The following ZBTB7C variants were observed in gnomAD, a reference collection of about 807,000 sequenced individuals.
ZBTB7C encodes the protein zinc finger and BTB domain-containing protein 7C.
ZBTB7C carries 8 observed loss-of-function variants against 25.7 expected under a neutral mutation model. That is an observed-to-expected ratio of 0.31 (90% CI 0.18 to 0.56). The LOEUF (loss-of-function observed/expected upper bound fraction) is 0.56, where lower values mean the gene tolerates loss of function less well. Among genes scored for constraint, ZBTB7C ranks in the 20% least tolerant of loss-of-function variants. The pLI, the probability that ZBTB7C is intolerant of heterozygous loss-of-function variation, is 0.91. For missense variants in ZBTB7C, 824 were observed against 855.2 expected, an observed-to-expected ratio of 0.96 and a Z score of 0.46; for synonymous variants, 394 against 369.0, an observed-to-expected ratio of 1.07 and a Z score of -0.78.
intron 2 of ZBTB7C, among the ~76,000 whole-genome samples, chr18:48,213,327 T>C (rs2042745898): frequency 6.6e-6 from 1 of 152,236 alleles, no homozygotes; most frequent in Non-Finnish European, 1.5e-5. Context: ...TGGAAATTAA[T>C]GTGCCCATGA....
At chr18:48,305,755 T>G (rs982768332) in intron 2 of ZBTB7C, among the ~76,000 whole-genome samples, 4 of 152,158 alleles carry the variant, frequency 2.6e-5, no homozygotes, top group African/African-American at 7.2e-5. Context: ...TTAGACCTCC[T>G]AAGGATTTGG....
chr18:48,200,777 C>G (rs1263253233), intron 2 of ZBTB7C, among the ~76,000 whole-genome samples: 2 of 152,232 alleles, frequency 1.3e-5, no homozygotes, highest in African/African-American at 4.8e-5. Flanking sequence ...CATCTAAACT[C>G]AGGCCCTGAT....
At chr18:48,206,910 A>T (rs1466544039) in intron 2 of ZBTB7C, among the ~76,000 whole-genome samples, 2 of 152,230 alleles carry the variant, frequency 1.3e-5, no homozygotes, top group Non-Finnish European at 2.9e-5. Context: ...AAACACCATT[A>T]AAAGAGTAAA....
intron 2 of ZBTB7C, among the ~76,000 whole-genome samples, chr18:48,230,679 G>A (rs2145346855): frequency 6.6e-6 from 1 of 152,314 alleles, no homozygotes; most frequent in East Asian, 1.9e-4. Flanking sequence ...AGCTGCCAGT[G>A]GGTGGGGCTG....
chr18:48,350,511 A>G (rs960088516), intron 1 of ZBTB7C: 25 of 152,234 alleles, frequency 1.6e-4, no homozygotes, highest in African/African-American at 6.0e-4. Flanking sequence ...TCCCATCTGC[A>G]AAGCCCCTGT....
intron 2 of ZBTB7C, among the ~76,000 whole-genome samples, chr18:48,332,094 G>A (rs1290934057): frequency 1.3e-5 from 2 of 152,172 alleles, no homozygotes; most frequent in African/African-American, 4.8e-5. Context: ...TCCTTCTACA[G>A]TAGGTTGGCT....
intron 4 of ZBTB7C, among the ~76,000 whole-genome samples, chr18:48,034,095 G>T (rs1365094102): frequency 6.6e-6 from 1 of 152,188 alleles, no homozygotes; most frequent in African/African-American, 2.4e-5. Context: ...GTTCTAGCTG[G>T]AATCTCAAGA....
intron 2 of ZBTB7C, among the ~76,000 whole-genome samples, chr18:48,267,333 G>T (rs2044344155): frequency 6.6e-6 from 1 of 152,190 alleles, no homozygotes; most frequent in Non-Finnish European, 1.5e-5. Context: ...TGACAGCAAG[G>T]CCCCCCTCAA....
At chr18:48,361,749 C>T (rs573536591) in intron 1 of ZBTB7C, among the ~76,000 whole-genome samples, 2 of 152,346 alleles carry the variant, frequency 1.3e-5, no homozygotes, top group South Asian at 2.1e-4. Context: ...AGGGCCTAAA[C>T]ATCAGAGGCA....
At chr18:48,387,004 A>G (rs1016990914) in intron 1 of ZBTB7C, among the ~76,000 whole-genome samples, 5 of 152,130 alleles carry the variant, frequency 3.3e-5, no homozygotes, top group Non-Finnish European at 7.4e-5. Flanking sequence ...ATCTAGGAAG[A>G]CTTCTCGGAG....
chr18:48,369,703 T>C (rs886497680), intron 1 of ZBTB7C, among the ~76,000 whole-genome samples: 3 of 152,178 alleles, frequency 2.0e-5, no homozygotes, highest in Non-Finnish European at 4.4e-5. Context: ...TATATAGCAA[T>C]TGTAAATGTA....
At chr18:48,362,856 C>A (rs1227350100) in intron 1 of ZBTB7C, among the ~76,000 whole-genome samples, 4 of 152,148 alleles carry the variant, frequency 2.6e-5, no homozygotes, top group African/African-American at 9.7e-5. Flanking sequence ...CTTCAACGAC[C>A]CACAAATATT....
chr18:48,281,572 G>T (rs1042100234), intron 2 of ZBTB7C, among the ~76,000 whole-genome samples: 2 of 152,092 alleles, frequency 1.3e-5, no homozygotes, highest in South Asian at 4.1e-4. Flanking sequence ...CTGACAAAGG[G>T]CTAATATCCA....
intron 1 of ZBTB7C, among the ~76,000 whole-genome samples, chr18:48,406,797 C>T (rs757010023): frequency 5.3e-5 from 8 of 152,202 alleles, no homozygotes; most frequent in Non-Finnish European, 8.8e-5. Flanking sequence ...CACATTGCAT[C>T]CAGCTTATTT....
chr18:48,037,576 C>A (rs1207373288), intron 4 of ZBTB7C, among the ~76,000 whole-genome samples: 1 of 152,224 alleles, frequency 6.6e-6, no homozygotes, highest in Non-Finnish European at 1.5e-5. Context: ...TGGCGTGGAC[C>A]TCACAGAAGG....
rs371794804 is a variant in ZBTB7C at position 48,295,763 on chromosome 18, G to A, written c.-79+42411C>T. Among the ~76,000 whole-genome samples, 17 of 152,246 alleles carry A rather than the reference G, an allele frequency of 1.1e-4. No individual in the cohort carries two copies. The East Asian group carries it at 1.5e-3, about 14-fold the overall frequency. On this transcript the variant is annotated intron_variant, in intron 2 of 4. Transcript: ENST00000590800. The stretch of plus-strand genomic sequence containing the variant: ...CTCTAGGTGGCAGGCCTGAGCCAAC[G>A]CAGCTGAAAGAGCCCCTCACTGTCC...
At chr18:48,031,010 T>A (rs778290044) in intron 4 of ZBTB7C, among the ~76,000 whole-genome samples, 1 of 152,218 alleles carries the variant, frequency 6.6e-6, no homozygotes, top group Admixed American at 6.5e-5. Context: ...AGTCTCCTAC[T>A]TCCTCCCTGC....
intron 2 of ZBTB7C, among the ~76,000 whole-genome samples, chr18:48,194,457 G>A (rs2042270817): frequency 6.6e-6 from 1 of 152,238 alleles, no homozygotes; most frequent in Non-Finnish European, 1.5e-5. Flanking sequence ...GGGGGGAGGT[G>A]TGGTTAGGCC....
chr18:48,304,420 A>C (rs1408219137), intron 2 of ZBTB7C, among the ~76,000 whole-genome samples: 11 of 152,220 alleles, frequency 7.2e-5, no homozygotes, highest in Admixed American at 7.2e-4. Context: ...TCATGCCTGT[A>C]ATCCTAGCAC....
Sources: allele counts gnomAD v4.1 joint callset (sites outside exome capture counted in the v4.1 genomes callset), GRCh38; gene constraint gnomAD v4.1.1; transcripts MANE v1.5; gene names NCBI Gene and HGNC (gene_info 2026-07-23, HGNC 2026-07-21).